The following ZNF407 variants were observed in gnomAD, a reference collection of about 807,000 sequenced individuals.
The protein encoded by ZNF407 is zinc finger protein 407.
In ZNF407, 17 loss-of-function variants were observed where a neutral mutation model predicts 131.2. The observed-to-expected ratio is 0.13, with a 90% CI of 0.09 to 0.19. The LOEUF (loss-of-function observed/expected upper bound fraction) is 0.19. Ranked by LOEUF, ZNF407 falls within the 10% of genes least tolerant of loss-of-function variation. The pLI, the probability that ZNF407 is intolerant of heterozygous loss-of-function variation, is 1.00. For missense variants in ZNF407, 2,681 were observed against 2,830.6 expected (o/e 0.95, Z 1.20); for synonymous variants, 1,156 against 1,062.0 (o/e 1.09, Z -1.72).
chr18:74,906,475 G>A (rs919016686), intron 7 of ZNF407, among the ~76,000 whole-genome samples: 5 of 152,146 alleles, frequency 3.3e-5, no homozygotes, highest in Admixed American at 1.3e-4. Context: ...CAATCTGGGT[G>A]TTTTTCAAAT....
chr18:74,621,707 C>T (rs951025904), intron 1 of ZNF407, among the ~76,000 whole-genome samples: 32 of 152,350 alleles, frequency 2.1e-4, no homozygotes, highest in Admixed American at 9.1e-4. Context: ...CCACTATTTT[C>T]TGTCCCTTAC....
chr18:74,690,267 T>C lies in ZNF407; in HGVS notation c.4802+49145T>C, dbSNP rs1222256407. 3.3e-5 allele frequency among the ~76,000 whole-genome samples: 5 copies of C among 152,174 alleles called. No individual in the cohort carries two copies. In the East Asian group the frequency reaches 9.6e-4, roughly 29 times the overall value. ...AAGGACCCTATGGAAGAATAATTCC[T>C]TTACAAGGAAACATGCATAAAATTA... is the stretch of plus-strand genomic sequence containing the variant. On this transcript the variant is annotated intron_variant, in intron 3 of 8. Transcript: ENST00000299687.
At position 74,711,796 on chromosome 18, in the gene ZNF407, C is replaced by T. The variant is rs544729626; in HGVS notation, c.4803-69632C>T. ...CATGATCTCAGCTCACTGCAACCTC[C>T]GCCTCTCAGGTTCAAGCGATTCTCC... is the stretch of plus-strand genomic sequence containing the variant. On this transcript the variant is annotated intron_variant, in intron 3 of 8. Coordinates refer to ENST00000299687, the MANE Select transcript of ZNF407 (RefSeq NM_017757.3). 6.4e-3 allele frequency among the ~76,000 whole-genome samples: 967 copies of T among 152,178 alleles called. 7 individuals are homozygous for T. The highest frequency in any genetic ancestry group is 0.022 in the African/African-American group (901 of 41,512).
chr18:75,050,363 G>C (rs1194191489), intron 8 of ZNF407, among the ~76,000 whole-genome samples: 1 of 152,186 alleles, frequency 6.6e-6, no homozygotes, highest in African/African-American at 2.4e-5. Flanking sequence ...TGACTGTCTA[G>C]AATTATGAAA....
Position 75,064,104 on chromosome 18 carries a change from C to T in ZNF407, c.6383C>T (p.Ala2128Val), listed in dbSNP as rs1192769591. 9 of 1,592,898 alleles carry T rather than the reference C, an allele frequency of 5.7e-6. No individual in the cohort carries two copies. The highest frequency in any genetic ancestry group is 5.4e-5 in the African/African-American group (4 of 74,490). ...GEGAQIIMQE[A>V]QGEHMDLVES... is the part of the protein sequence containing the mutation. Reference sequence around the variant, plus strand: ...GGTGCCCAGATCATCATGCAGGAGGCGCAGGGCGAGCACATGGATCTGGTG... The same window carrying T: ...GGTGCCCAGATCATCATGCAGGAGGTGCAGGGCGAGCACATGGATCTGGTG... Residue 2128 changes from alanine to valine, a missense_variant, in exon 9 of 9, where the codon GCG becomes GTG. Ala to Val is a moderately conservative substitution (Grantham distance 64). Coordinates refer to ENST00000299687, the MANE Select transcript of ZNF407 (RefSeq NM_017757.3).
intron 8 of ZNF407, among the ~76,000 whole-genome samples, chr18:74,926,438 C>T (rs910874311): frequency 5.9e-5 from 9 of 152,146 alleles, no homozygotes; most frequent in African/African-American, 2.2e-4. Flanking sequence ...TTTGACCTGA[C>T]CTCCACCTCT....
At position 74,649,716 on chromosome 18, in the gene ZNF407, C is replaced by G. The variant is rs183463577; in HGVS notation, c.4802+8594C>G. 8.0e-3 allele frequency among the ~76,000 whole-genome samples: 1,211 copies of G among 152,266 alleles called. 10 individuals carry two copies. The highest frequency in any genetic ancestry group is 0.013 in the Non-Finnish European group (912 of 68,016). Reference sequence around the variant, plus strand: ...TGTGACTCTCGGGTCAGGGCTGTTTCTATTTTATCCCACTGGCATTCTAAT... The same window carrying G: ...TGTGACTCTCGGGTCAGGGCTGTTTGTATTTTATCCCACTGGCATTCTAAT... On this transcript the variant is annotated intron_variant, in intron 3 of 8. Transcript: ENST00000299687.
At chr18:74,756,491 A>G (rs1178371914) in intron 3 of ZNF407, among the ~76,000 whole-genome samples, 1 of 152,162 alleles carries the variant, frequency 6.6e-6, no homozygotes, top group East Asian at 1.9e-4. Flanking sequence ...TGCTTCTTGT[A>G]GTGAAGTTTT....
chr18:74,848,061 T>G (rs1970726998), intron 4 of ZNF407, among the ~76,000 whole-genome samples: 2 of 152,196 alleles, frequency 1.3e-5, no homozygotes, highest in Admixed American at 6.5e-5. Context: ...TTTCTAGAAA[T>G]TATTACCTTG....
At chr18:74,756,786 C>CAAA (rs1968974819) in intron 3 of ZNF407, among the ~76,000 whole-genome samples, 1 of 152,178 alleles carries the variant, frequency 6.6e-6, no homozygotes, top group East Asian at 1.9e-4. Context: ...CTTGTTATAG[C>CAAA]TCTATACAGA....
rs1462073160 is a variant in ZNF407, at chr18:74,631,752, T to A, written c.733T>A (p.Ser245Thr). The change falls in exon 2 of 9, where the codon TCC (serine) becomes ACC (threonine). Residue 245 changes from serine (S) to threonine (T), a missense_variant. Ser to Thr is a moderately conservative substitution (Grantham distance 58). Around this residue, in one of 6 missense-constraint regions of ZNF407, gnomAD observed 1,789 missense variants for 1,748.7 expected, o/e 1.02. Transcript: ENST00000299687. ...AGCACATGGGCCACAGAAGGTCTTT[T>A]CCTGTGATCTTTGTGGTTTTCAGTG... ...KQAHGPQKVFSCDLCGFQCSE... is the reference protein window; with the variant it reads ...KQAHGPQKVFTCDLCGFQCSE... 6.2e-7 allele frequency: 1 copy of A among 1,614,046 alleles called. No homozygotes were observed. Among genetic ancestry groups the A allele is most frequent in the East Asian group, 2.2e-5 (1 of 44,892 alleles).
intron 8 of ZNF407, among the ~76,000 whole-genome samples, chr18:74,976,804 G>A (rs141121583): frequency 5.3e-5 from 8 of 152,334 alleles, no homozygotes; most frequent in African/African-American, 1.9e-4. Flanking sequence ...CCTGCATTCT[G>A]TCACATGTTC....
At chr18:74,696,174 G>C (rs1375308481) in intron 3 of ZNF407, among the ~76,000 whole-genome samples, 1 of 152,218 alleles carries the variant, frequency 6.6e-6, no homozygotes, top group African/African-American at 2.4e-5. Context: ...GACACAACGT[G>C]TGCTGGCTGT....
chr18:74,945,981 A>G (rs748515827), intron 8 of ZNF407, among the ~76,000 whole-genome samples: 27 of 152,288 alleles, frequency 1.8e-4, no homozygotes, highest in African/African-American at 4.8e-4. Flanking sequence ...CTGCATTTCA[A>G]TACTGCTGCC....
intron 4 of ZNF407, among the ~76,000 whole-genome samples, chr18:74,845,644 G>T (rs1970692524): frequency 6.6e-6 from 1 of 152,164 alleles, no homozygotes; most frequent in South Asian, 2.1e-4. Context: ...AAAAGCTTAA[G>T]TGAATGCTGA....
intron 4 of ZNF407, among the ~76,000 whole-genome samples, chr18:74,857,833 C>T (rs1184017387): frequency 6.6e-6 from 1 of 151,842 alleles, no homozygotes; most frequent in Non-Finnish European, 1.5e-5. Context: ...TATGATATCT[C>T]TTTGTGGTGT....
At position 74,901,658 on chromosome 18, in the gene ZNF407, A is replaced by C. The variant is rs1327500971; in HGVS notation, c.5249+11620A>C. On this transcript the variant is annotated intron_variant, in intron 7 of 8. Coordinates refer to ENST00000299687, the MANE Select transcript of ZNF407 (RefSeq NM_017757.3). ...TGCCATGCCTAAGAAATATATGGAC[A>C]ATATCAGCATATATATATTTTTAAT... Among the ~76,000 whole-genome samples, 22 of 137,618 alleles carry C rather than the reference A, an allele frequency of 1.6e-4. No individual in the cohort carries two copies. In the Admixed American group the frequency reaches 1.6e-3, roughly 10 times the overall value. The allele number at this position is 137,618 out of a possible 152,430, so 90.3% of individuals were successfully genotyped here.
intron 3 of ZNF407, among the ~76,000 whole-genome samples, chr18:74,717,926 G>A (rs1967934445): frequency 2.0e-5 from 3 of 152,102 alleles, no homozygotes; most frequent in Admixed American, 2.0e-4. Flanking sequence ...TCAGATTAGG[G>A]ATACTAACCT....
chr18:75,058,777 A>G (rs992165212), intron 8 of ZNF407, among the ~76,000 whole-genome samples: 2 of 152,236 alleles, frequency 1.3e-5, no homozygotes, highest in African/African-American at 4.8e-5. Context: ...TACCCAGTAC[A>G]TTCTTGGTCA....
Sources: gnomAD v4.1 joint callset for allele counts (sites outside exome capture counted in the v4.1 genomes callset) on GRCh38, gnomAD v4.1.1 for gene constraint, gnomAD v4.1.1 regional missense constraint, MANE v1.5 for transcripts, NCBI Gene and HGNC (gene_info 2026-07-23, HGNC 2026-07-21) for gene names.